Variants in SRGAP2B observed in about 807,000 individuals in gnomAD.
SRGAP2B encodes SLIT-ROBO Rho GTPase-activating protein 2B.
SRGAP2B carries 9 observed loss-of-function variants against 22.2 expected under a neutral mutation model. The observed-to-expected ratio is 0.41, with a 90% CI of 0.24 to 0.71. SRGAP2B has a LOEUF of 0.71. SRGAP2B is among the 30% of genes least tolerant of loss of function. The pLI, the probability that SRGAP2B is intolerant of heterozygous loss-of-function variation, is 0.35. For synonymous variants in SRGAP2B, 36 were observed against 87.4 expected (o/e 0.41, Z 3.28); for missense variants, 114 against 235.8 (o/e 0.48, Z 3.38).
At chr1:144,929,400 T>A (rs1175815969) in intron 4 of SRGAP2B, among the ~76,000 whole-genome samples, 2 of 150,390 alleles carry the variant, frequency 1.3e-5, no homozygotes, top group African/African-American at 5.0e-5. Context: ...TCACGAAGAC[T>A]TACACCTATA....
Position 144,957,328 on chromosome 1 carries a change from T to C in SRGAP2B, c.261-1727A>G, listed in dbSNP as rs202242637. Among the ~76,000 whole-genome samples the C allele has an allele frequency of 2.8e-4, 41 of 147,876 alleles. 1 individual carries two copies. The East Asian group carries it at 8.0e-3, about 29-fold the overall frequency. ...TTCTATAGTAGTAACTATTAACAAA[T>C]AATCATGCCATACTTACTTGGACTT... is the stretch of plus-strand genomic sequence containing the variant. On this transcript the variant is annotated intron_variant, in intron 3 of 9. Transcript: ENST00000612199.
chr1:145,030,744 A>G lies in SRGAP2B; in HGVS notation c.68-35544T>C, dbSNP rs1321308974. On this transcript the variant is annotated intron_variant, in intron 2 of 9. Transcript: ENST00000612199. ...AAAATATATATATATATATATATAT[A>G]TATATATATATATATATATAGTCCA... Among the ~76,000 whole-genome samples the G allele has an allele frequency of 2.7e-4, 19 of 70,930 alleles. 1 individual carries two copies. Among genetic ancestry groups the G allele is most frequent in the African/African-American group, 1.3e-3 (19 of 14,820 alleles). The allele number at this position is 70,930 out of a possible 152,430, so 46.5% of individuals were successfully genotyped here.
chr1:145,080,119 C>T (rs1212882784), intron 2 of SRGAP2B, among the ~76,000 whole-genome samples: 2 of 149,698 alleles, frequency 1.3e-5, no homozygotes, highest in Non-Finnish European at 3.0e-5. Context: ...TTCTGACCTA[C>T]CAACATGGAT....
At chr1:145,009,064 C>G (rs1294314235) in intron 2 of SRGAP2B, among the ~76,000 whole-genome samples, 1 of 145,654 alleles carries the variant, frequency 6.9e-6, no homozygotes, top group Non-Finnish European at 1.5e-5. Flanking sequence ...GTAGTCCCAG[C>G]TACTCAGGAG....
chr1:144,903,792 TC>T (rs1662783421), intron 7 of SRGAP2B, among the ~76,000 whole-genome samples: 1 of 149,214 alleles, frequency 6.7e-6, no homozygotes, highest in Non-Finnish European at 1.5e-5. Context: ...ATGGCAGGCC[TC>T]CAAGATGAGA....
chr1:144,981,012 GTTC>G (rs1553615053), intron 3 of SRGAP2B, among the ~76,000 whole-genome samples: 1 of 146,592 alleles, frequency 6.8e-6, no homozygotes, highest in African/African-American at 2.6e-5. Flanking sequence ...GTGCACATGT[GTTC>G]TTATTATTCT....
At chr1:145,044,181 G>T (rs1298028037) in intron 2 of SRGAP2B, among the ~76,000 whole-genome samples, 1 of 123,442 alleles carries the variant, frequency 8.1e-6, no homozygotes, top group Non-Finnish European at 1.6e-5. Flanking sequence ...TCCATGTATG[G>T]TGCAGGATAT....
chr1:144,961,623 A>AT (rs1430494299), intron 3 of SRGAP2B, among the ~76,000 whole-genome samples: 2 of 142,750 alleles, frequency 1.4e-5, no homozygotes, highest in East Asian at 4.3e-4. Flanking sequence ...AGGAGGTTGG[A>AT]TTTTTTAACC....
chr1:145,056,952 AACACACACAC>A (rs199492508), intron 2 of SRGAP2B, among the ~76,000 whole-genome samples: 11 of 123,312 alleles, frequency 8.9e-5, no homozygotes, highest in Admixed American at 1.7e-4. Context: ...AAGGAGATAA[AACACACACAC>A]ACACACACAC....
At position 144,940,525 on chromosome 1, in the gene SRGAP2B, G is replaced by A. The variant is rs373299135; in HGVS notation, c.423+14914C>T. Among the ~76,000 whole-genome samples the A allele has an allele frequency of 3.4e-5, 5 of 147,056 alleles. 1 individual carries two copies. The highest frequency in any genetic ancestry group is 5.2e-5 in the African/African-American group (2 of 38,564). ...GAGTCAAGACAACAGCCAGCTGGTCGTGGTGGCTCACGCCTGAAATCCCAG... is the reference window on the plus strand; with the variant it reads ...GAGTCAAGACAACAGCCAGCTGGTCATGGTGGCTCACGCCTGAAATCCCAG... On this transcript the variant is annotated intron_variant, in intron 4 of 9. Transcript: ENST00000612199.
chr1:145,011,922 C>T (rs1553622314), intron 2 of SRGAP2B, among the ~76,000 whole-genome samples: 1 of 150,498 alleles, frequency 6.6e-6, no homozygotes, highest in Admixed American at 6.6e-5. Flanking sequence ...ACTCACTGGC[C>T]CCCAGCTACA....
intron 2 of SRGAP2B, among the ~76,000 whole-genome samples, chr1:145,067,005 G>A (rs1197723174): frequency 1.3e-5 from 2 of 148,612 alleles, no homozygotes; most frequent in Admixed American, 6.7e-5. Context: ...ATTAGGAAAC[G>A]AGGCCGGGCA....
At chr1:145,081,164 T>C (rs1652896123) in intron 2 of SRGAP2B, among the ~76,000 whole-genome samples, 2 of 149,272 alleles carry the variant, frequency 1.3e-5, no homozygotes, top group African/African-American at 2.5e-5. Context: ...TTACTAGCCA[T>C]GTGCTTCAGA....
chr1:145,007,814 T>C (rs1671712715), intron 2 of SRGAP2B, among the ~76,000 whole-genome samples: 1 of 141,060 alleles, frequency 7.1e-6, no homozygotes, highest in Non-Finnish European at 1.5e-5. Context: ...TTTTTTTTTT[T>C]TTTTTTTTTT....
At chr1:144,955,516 G>A (rs1187730085) in exon 4 of SRGAP2B, 3 of 1,053,232 alleles carry the variant, frequency 2.8e-6, no homozygotes, top group Middle Eastern at 2.0e-4. Flanking sequence ...ATGTCACTCA[G>A]GGTGGTATGG....
In SRGAP2B at chr1:144,993,153, G is replaced by A. The variant is rs1363753173; in HGVS notation, c.260+1855C>T. The stretch of plus-strand genomic sequence containing the variant: ...CTGGAGTGAATGTTCTGTTTGGCTC[G>A]GGTATAGTGGAACAGAAACAAGAAA... On this transcript the variant is annotated intron_variant, in intron 3 of 9. Coordinates refer to ENST00000612199, the Ensembl canonical transcript of SRGAP2B. Among the ~76,000 whole-genome samples, 311 of 151,116 alleles carry A rather than the reference G, an allele frequency of 2.1e-3. 21 individuals are homozygous for A. Among genetic ancestry groups the A allele is most frequent in the African/African-American group, 7.3e-3 (297 of 40,572 alleles).
At chr1:144,963,692 CT>C (rs782175574) in intron 3 of SRGAP2B, among the ~76,000 whole-genome samples, 14 of 151,592 alleles carry the variant, frequency 9.2e-5, no homozygotes, top group Admixed American at 5.3e-4. Flanking sequence ...TGGCTCACCC[CT>C]GGTAGTTCAT....
intron 4 of SRGAP2B, among the ~76,000 whole-genome samples, chr1:144,915,846 G>A (rs1441668819): frequency 6.6e-6 from 1 of 150,486 alleles, no homozygotes; most frequent in Non-Finnish European, 1.5e-5. Flanking sequence ...GGCAGCATGG[G>A]TCATTGAGAG....
intron 2 of SRGAP2B, among the ~76,000 whole-genome samples, chr1:145,011,627 C>A (rs1672060791): frequency 6.8e-6 from 1 of 148,084 alleles, no homozygotes; most frequent in Non-Finnish European, 1.5e-5. Flanking sequence ...ATTGACTCTT[C>A]TCTTACAAAT....
Sources: gnomAD v4.1 joint callset for allele counts (sites outside exome capture counted in the v4.1 genomes callset) on GRCh38, gnomAD v4.1.1 for gene constraint, MANE v1.5 for transcripts, NCBI Gene and HGNC (gene_info 2026-07-23, HGNC 2026-07-21) for gene names.